OPLAH: variants seen among roughly 807,000 people sequenced by gnomAD.
OPLAH encodes 5-oxoprolinase, ATP-hydrolysing.
OPLAH carries 103 observed loss-of-function variants against 122.8 expected under a neutral mutation model. The ratio of observed to expected loss-of-function variants is 0.84; its 90% CI spans 0.71 to 0.99. OPLAH has a LOEUF of 0.99. Among genes scored for constraint, OPLAH ranks in the 50% least tolerant of loss-of-function variants. The pLI is 0.00. For synonymous variants in OPLAH, 875 were observed against 796.0 expected (o/e 1.10, Z -1.67); for missense variants, 1,902 against 1,836.5 (o/e 1.04, Z -0.65).
In OPLAH at chr8:144,057,471, G is replaced by C. The variant is rs782532685; in HGVS notation, c.1399C>G (p.Arg467Gly). The C allele has an allele frequency of 1.3e-6, 2 of 1,590,822 alleles. No individual in the cohort carries two copies. The highest frequency in any genetic ancestry group is 1.7e-6 in the Non-Finnish European group (2 of 1,169,110). Residue 467 changes from arginine (R) to glycine (G), a missense_variant, in exon 10 of 27, where the codon CGG (arginine) becomes GGG (glycine). Transcript: ENST00000618853. ...ACCTGCGTGAGTGCACGGATGGGCC[G>C]GCACATGGCCTCGTTGGCCACGCGC... ...FVRVANEAMC[R>G]PIRALTQARG... is the part of the protein sequence containing the mutation.
rs1554759857 is a variant in OPLAH, at chr8:144,058,151, G to A, written c.950-3C>T. ...GCGGCTCACATCCGTGGACGTGCCT[G>A]GCAGGGGTGGGGTGCTGGTGGGTCA... On this transcript the variant is annotated splice_polypyrimidine_tract_variant and splice_region_variant and intron_variant, in intron 7 of 26. Coordinates refer to ENST00000618853, the MANE Select transcript of OPLAH (RefSeq NM_017570.5). The A allele has an allele frequency of 1.2e-6, 2 of 1,612,214 alleles. No homozygotes were observed. Among genetic ancestry groups the A allele is most frequent in the Admixed American group, 1.7e-5 (1 of 60,000 alleles).
chr8:144,063,368 C>T (rs1369598109), upstream of OPLAH, among the ~76,000 whole-genome samples: 2 of 152,238 alleles, frequency 1.3e-5, no homozygotes, highest in African/African-American at 4.8e-5. The surrounding 1 kb of genome is among the most constrained non-coding windows in gnomAD (Gnocchi z 4.2). Flanking sequence ...CACGTTCCCC[C>T]AGGGATATGG....
Position 144,051,467 on chromosome 8 carries a change from C to A in OPLAH, c.3726G>T (p.Val1242=). 1.3e-6 allele frequency: 2 copies of A among 1,494,048 alleles called. No homozygotes were observed. The highest frequency in any genetic ancestry group is 1.8e-6 in the Non-Finnish European group (2 of 1,126,604). The allele number at this position is 1,494,048 out of a possible 1,614,324, so 92.5% of individuals were successfully genotyped here. A position where few individuals can be genotyped will look rare whatever the true frequency, so the allele number is the denominator to read the frequency against. Residue 1242 remains valine (V), a synonymous_variant, in exon 27 of 27, where the codon GTG becomes GTT. Coordinates refer to ENST00000618853, the MANE Select transcript of OPLAH (RefSeq NM_017570.5). ...CGCCGCCGGGCGTGTGGAGACAGAA[C>A]ACATCCTGTTGGCGCGGGGGGGGGC... The part of the protein sequence containing the change: ...KTSVTVYPGD[V]FCLHTPGGGG...
rs1554757606 is a variant in OPLAH at position 144,051,392 on chromosome 8, C to CG, written c.3800dup (p.Gln1268AlafsTer13). On this transcript the variant is annotated frameshift_variant, in exon 27 of 27. Transcript: ENST00000618853. LOFTEE classifies it high-confidence loss of function. Reference sequence around the variant, plus strand: ...CGTGCTCGGGAAAGGCCAGTGCTTGCGGGGGCGACCCCGGCGGTGGGGCGG... The same window carrying CG: ...CGTGCTCGGGAAAGGCCAGTGCTTGCGGGGGGCGACCCCGGCGGTGGGGCGG... The CG allele has an allele frequency of 6.4e-7, 1 of 1,550,860 alleles. No homozygotes were observed. The highest frequency in any genetic ancestry group is 8.7e-7 in the Non-Finnish European group (1 of 1,145,492).
rs374445574 is a variant in OPLAH, at chr8:144,055,177, C to T, written c.2261G>A (p.Arg754His). The change falls in exon 17 of 27, where the codon CGC (arginine) becomes CAC (histidine). Residue 754 changes from arginine (R) to histidine (H), a missense_variant. Arg to His is a conservative substitution (Grantham distance 29). Transcript: ENST00000618853. This position sits in a 1 kb window ranked among gnomAD's most constrained non-coding sequence, Gnocchi z 6.5. ...RFMSIAEQMGRILQRTAISTN... is the reference protein window; with the variant it reads ...RFMSIAEQMGHILQRTAISTN... ...GGAGATGGCTGTGCGCTGCAGGATG[C>T]GGCCCATCTGCTCTAGGAGCACAAA... 82 of 1,541,188 alleles carry T rather than the reference C, an allele frequency of 5.3e-5. No homozygotes were observed. Among genetic ancestry groups the T allele is most frequent in the African/African-American group, 8.3e-5 (6 of 72,702 alleles).
chr8:144,052,944 G>C lies in OPLAH; in HGVS notation c.3018+39C>G, dbSNP rs782819096. ...GGGAGAGGCTGTCAGCGGCCGCACCGTGCCCCTGCCGCCTAGAGGCACTCT... is the reference window on the plus strand; with the variant it reads ...GGGAGAGGCTGTCAGCGGCCGCACCCTGCCCCTGCCGCCTAGAGGCACTCT... On this transcript the variant is annotated intron_variant, in intron 21 of 26. Transcript: ENST00000618853. The C allele has an allele frequency of 6.4e-5, 100 of 1,574,704 alleles. 2 individuals are homozygous for C. The East Asian group carries it at 2.3e-3, about 36-fold the overall frequency.
chr8:144,058,150 T>C lies in OPLAH; in HGVS notation c.950-2A>G, dbSNP rs1564293147. The stretch of plus-strand genomic sequence containing the variant: ...AGCGGCTCACATCCGTGGACGTGCC[T>C]GGCAGGGGTGGGGTGCTGGTGGGTC... On this transcript the variant is annotated splice_acceptor_variant, in intron 7 of 26. Coordinates refer to ENST00000618853, the MANE Select transcript of OPLAH (RefSeq NM_017570.5). LOFTEE classifies it high-confidence loss of function. The C allele has an allele frequency of 1.2e-6, 2 of 1,612,150 alleles. No homozygotes were observed. The highest frequency in any genetic ancestry group is 1.7e-6 in the Non-Finnish European group (2 of 1,179,670).
intron 15 of OPLAH, 101 bp from the exon 16 acceptor site, chr8:144,056,040 G>C: frequency 6.7e-7 from 1 of 1,502,176 alleles, no homozygotes; most frequent in Non-Finnish European, 8.9e-7. Flanking sequence ...ACGATGGTGG[G>C]ATACAGAGTC....
upstream of OPLAH, among the ~76,000 whole-genome samples, chr8:144,062,532 C>G (rs1402032725): frequency 2.6e-5 from 4 of 152,090 alleles, no homozygotes; most frequent in Non-Finnish European, 4.4e-5. Context: ...ACCAGCCATA[C>G]AGCCTCTGCC....
rs782317870 is a variant in OPLAH at position 144,054,888 on chromosome 8, TGGA to T, written c.2432_2434del (p.Leu811del). On this transcript the variant is annotated inframe_deletion, in exon 18 of 27. Coordinates refer to ENST00000618853, the MANE Select transcript of OPLAH (RefSeq NM_017570.5). ...GTTGCTCAGTAGCACGTCGCCAGGGTGGAGATCGGCCCCCAGGTGCTGAATCTG... is the reference window on the plus strand; with the variant it reads ...GTTGCTCAGTAGCACGTCGCCAGGGTGATCGGCCCCCAGGTGCTGAATCTG... 8 of 1,603,666 alleles carry T rather than the reference TGGA, an allele frequency of 5.0e-6. No individual in the cohort carries two copies. The highest frequency in any genetic ancestry group is 1.1e-5 in the South Asian group (1 of 90,774).
rs868961565 is a variant in OPLAH at position 144,056,852 on chromosome 8, C to G, written c.1706+96G>C. The G allele has an allele frequency of 4.2e-5, 64 of 1,518,038 alleles. No individual in the cohort carries two copies. In the Middle Eastern group the frequency reaches 1.2e-3, roughly 29 times the overall value. 94.0% of individuals were successfully genotyped at this position (1,518,038 alleles called of 1,614,324 possible). ...GGACACCTGTTCTGCTTCTCGCACA[C>G]CCCGGGACCACCTGGGAAGTCATCA... On this transcript the variant is annotated intron_variant, in intron 12 of 26. Coordinates refer to ENST00000618853, the MANE Select transcript of OPLAH (RefSeq NM_017570.5).
At position 144,051,453 on chromosome 8, in the gene OPLAH, G is replaced by T. The variant is rs1835372674; in HGVS notation, c.3740C>A (p.Thr1247Lys). ...GTCCCCATAGCCACCGCCGCCGGGC[G>T]TGTGGAGACAGAACACATCCTGTTG... ...VYPGDVFCLH[T>K]PGGGGYGDPE... The change falls in exon 27 of 27, where the codon ACG becomes AAG. Residue 1247 changes from threonine to lysine, a missense_variant. By Grantham distance (78) the Thr-to-Lys change is moderately conservative. Transcript: ENST00000618853. The T allele has an allele frequency of 1.3e-6, 2 of 1,535,736 alleles. No homozygotes were observed. Among genetic ancestry groups the T allele is most frequent in the Non-Finnish European group, 1.7e-6 (2 of 1,146,254 alleles).
At position 144,056,997 on chromosome 8, in the gene OPLAH, G is replaced by A. The variant is rs376877319; in HGVS notation, c.1657C>T (p.Arg553Cys). The stretch of plus-strand genomic sequence containing the variant: ...GCATCCACACACTGCTCCTCCAGGC[G>A]GCTCAGCCTCTGGTCCAGCTGCACG... ...TFVQLDQRLS[R>C]LEEQCVDALQ... The change falls in exon 12 of 27, where the codon CGC becomes TGC. Residue 553 changes from arginine to cysteine, a missense_variant. Coordinates refer to ENST00000618853, the MANE Select transcript of OPLAH (RefSeq NM_017570.5). 1.1e-5 allele frequency: 18 copies of A among 1,590,152 alleles called. No homozygotes were observed. The highest frequency in any genetic ancestry group is 6.7e-5 in the African/African-American group (5 of 74,470).
chr8:144,054,407 G>A lies in OPLAH; in HGVS notation c.2686+154C>T, dbSNP rs77436064. Among the ~76,000 whole-genome samples, 1,029 of 152,302 alleles carry A rather than the reference G, an allele frequency of 6.8e-3. 7 individuals are homozygous for A. The highest frequency in any genetic ancestry group is 0.024 in the African/African-American group (993 of 41,572). ...CATCTCAGCTCCCGGGATCCGATCT[G>A]CAGCTGCCCTTTGGGGTAACCACCT... On this transcript the variant is annotated intron_variant, in intron 19 of 26. Transcript: ENST00000618853.
chr8:144,058,191 G>A, intron 7 of OPLAH, 43 bp from the exon 8 acceptor site: 1 of 1,606,412 alleles, frequency 6.2e-7, no homozygotes, highest in South Asian at 1.1e-5. Context: ...AAGACCCAGG[G>A]GCCCAGCAGC....
At chr8:144,056,897 G>C in intron 12 of OPLAH, 51 bp downstream of exon 12, 1 of 1,526,286 alleles carries the variant, frequency 6.6e-7, no homozygotes, top group Non-Finnish European at 8.8e-7. Flanking sequence ...CCCACCAAGG[G>C]CGTGGTGAGG....
At chr8:144,053,520 C>T (rs1835440293) in intron 19 of OPLAH, 127 bp from the exon 20 acceptor site, 4 of 897,308 alleles carry the variant, frequency 4.5e-6, no homozygotes, top group Non-Finnish European at 6.7e-6. Flanking sequence ...GACTGCTCAG[C>T]ACCTCAGGAA....
rs782508484 is a variant in OPLAH, at chr8:144,056,728, C to T, written c.1734G>A (p.Leu578=). The change falls in exon 13 of 27, where the codon CTG becomes CTA. Residue 578 remains leucine, a synonymous_variant. Transcript: ENST00000618853. ...PRSQISTESF[L]HLRYQGTDCA... ...AGTCCGTGCCCTGGTAGCGCAGGTG[C>T]AGGAAGCTCTCAGTGCTGATCTGGG... 41 of 1,610,520 alleles carry T rather than the reference C, an allele frequency of 2.5e-5. No individual in the cohort carries two copies. The highest frequency in any genetic ancestry group is 2.5e-5 in the Non-Finnish European group (30 of 1,179,036).
Position 144,059,803 on chromosome 8 carries a change from T to C in OPLAH, c.172-13A>G. The C allele has an allele frequency of 2.5e-6, 4 of 1,609,206 alleles. No homozygotes were observed. Among genetic ancestry groups the C allele is most frequent in the Non-Finnish European group, 3.4e-6 (4 of 1,178,468 alleles). ...GCATGCCGGCCTCCTGGGGACCACGTGGTCAGTGTGGGGCTTCTGGCCGTG... is the reference window on the plus strand; with the variant it reads ...GCATGCCGGCCTCCTGGGGACCACGCGGTCAGTGTGGGGCTTCTGGCCGTG... On this transcript the variant is annotated splice_polypyrimidine_tract_variant and intron_variant, in intron 2 of 26. Transcript: ENST00000618853.
Sources: gnomAD v4.1 joint callset for allele counts (sites outside exome capture counted in the v4.1 genomes callset) on GRCh38, gnomAD v4.1.1 for gene constraint, Gnocchi (gnomAD v3.1) non-coding constraint, MANE v1.5 for transcripts, NCBI Gene and HGNC (gene_info 2026-07-23, HGNC 2026-07-21) for gene names.